The following RSPO1 variants were observed in gnomAD, a reference collection of about 807,000 sequenced individuals.
RSPO1 encodes the protein R-spondin-1.
Under a neutral mutation model 26.0 loss-of-function variants are expected in RSPO1, and 18 were observed. The observed-to-expected ratio is 0.69, with a 90% CI of 0.48 to 1.03. The LOEUF is 1.03. RSPO1 is among the 50% of genes least tolerant of loss of function. The probability of loss-of-function intolerance (pLI) is 0.00; values close to 1 mark genes in which losing one functional copy is unlikely to be tolerated. For missense variants in RSPO1, 309 were observed against 352.3 expected (o/e 0.88, Z 0.98); for synonymous variants, 133 against 137.4 (o/e 0.97, Z 0.22).
chr1:37,628,469 G>T (rs1341675845), intron 3 of RSPO1, among the ~76,000 whole-genome samples: 3 of 152,220 alleles, frequency 2.0e-5, no homozygotes, highest in East Asian at 1.9e-4. Context: ...TCACTGGGGG[G>T]CCTCCGTCTG....
chr1:37,617,661 C>CAAAAAAAAAAAA lies in RSPO1; in HGVS notation c.95-998_95-987dup, dbSNP rs34856591. ...CGGATGACAGAGCAAGACTCCATCTCAAAAAAAAAAAAAAAAAAAAAAAAA... is the reference window on the plus strand; with the variant it reads ...CGGATGACAGAGCAAGACTCCATCTCAAAAAAAAAAAAAAAAAAAAAAAAAAAAAAAAAAAAA... On this transcript the variant is annotated intron_variant, in intron 3 of 6. Transcript: ENST00000356545. Among the ~76,000 whole-genome samples, 110 of 36,366 alleles carry CAAAAAAAAAAAA rather than the reference C, an allele frequency of 3.0e-3. 5 individuals are homozygous for CAAAAAAAAAAAA. Among genetic ancestry groups the CAAAAAAAAAAAA allele is most frequent in the African/African-American group, 0.012 (104 of 8,604 alleles). The allele number at this position is 36,366 out of a possible 152,430, so 23.9% of individuals were successfully genotyped here.
At chr1:37,629,154 A>G (rs890871173) in intron 3 of RSPO1, among the ~76,000 whole-genome samples, 9 of 152,196 alleles carry the variant, frequency 5.9e-5, no homozygotes, top group Non-Finnish European at 1.2e-4. Context: ...CTCCTAACCC[A>G]AAAGGGTTGA....
intron 1 of RSPO1, among the ~76,000 whole-genome samples, chr1:37,633,876 G>C (rs1644397949): frequency 6.6e-6 from 1 of 152,176 alleles, no homozygotes; most frequent in African/African-American, 2.4e-5. Flanking sequence ...GGGAGACGCG[G>C]ACCTGAGGTT....
At chr1:37,619,658 T>C (rs191162202) in intron 3 of RSPO1, among the ~76,000 whole-genome samples, 6 of 152,306 alleles carry the variant, frequency 3.9e-5, no homozygotes, top group African/African-American at 1.2e-4. Flanking sequence ...TGGCAGGCAA[T>C]GTTCTCAGTG....
intron 3 of RSPO1, 22 bp downstream of exon 3, chr1:37,629,546 C>T: frequency 1.9e-6 from 3 of 1,609,240 alleles, no homozygotes. Context: ...CCAGCTGTGG[C>T]CCACCATGCT....
chr1:37,621,212 G>A lies in RSPO1; in HGVS notation c.95-4537C>T, dbSNP rs115217702. Among the ~76,000 whole-genome samples, 645 of 152,340 alleles carry A rather than the reference G, an allele frequency of 4.2e-3. 4 individuals are homozygous for A. Among genetic ancestry groups the A allele is most frequent in the African/African-American group, 0.014 (598 of 41,574 alleles). On this transcript the variant is annotated intron_variant, in intron 3 of 6. Coordinates refer to ENST00000356545, the MANE Select transcript of RSPO1 (RefSeq NM_001242908.2). Reference sequence around the variant, plus strand: ...GCGAGTGATGAGGCGGGAAGTTGGAGAGGGAAGCAGGGGCTGGATGAGGAA... The same window carrying A: ...GCGAGTGATGAGGCGGGAAGTTGGAAAGGGAAGCAGGGGCTGGATGAGGAA...
At chr1:37,630,381 G>A (rs1014919753) in intron 2 of RSPO1, among the ~76,000 whole-genome samples, 1 of 152,170 alleles carries the variant, frequency 6.6e-6, no homozygotes, top group African/African-American at 2.4e-5. Flanking sequence ...TCTTCCCGGG[G>A]CTGAGTCACC....
intron 2 of RSPO1, 60 bp from the exon 3 acceptor site, chr1:37,630,009 C>T (rs1290460637): frequency 1.3e-6 from 1 of 762,160 alleles, no homozygotes; most frequent in Non-Finnish European, 2.3e-6. Context: ...CCCACTTATG[C>T]CTCCTGCCCT....
rs1177675458 is a variant in RSPO1 at position 37,612,773 on chromosome 1, T to C, written c.774A>G (p.Thr258=). Reference sequence around the variant, plus strand: ...AGTGTCCCTAGGCAGGCCCTGCAGATGTGAGTGGCCCCACTGTCCCTTGCT... The same window carrying C: ...AGTGTCCCTAGGCAGGCCCTGCAGACGTGAGTGGCCCCACTGTCCCTTGCT... ...QQQQGTVGPL[T]SAGPA Residue 258 remains threonine (T), a synonymous_variant, in exon 7 of 7, where the codon ACA becomes ACG. Transcript: ENST00000356545. 1.2e-6 allele frequency: 2 copies of C among 1,611,696 alleles called. No individual in the cohort carries two copies. Among genetic ancestry groups the C allele is most frequent in the Non-Finnish European group, 1.7e-6 (2 of 1,180,006 alleles).
intron 3 of RSPO1, among the ~76,000 whole-genome samples, chr1:37,624,315 TG>T (rs940956453): frequency 2.6e-5 from 4 of 152,162 alleles, no homozygotes; most frequent in African/African-American, 7.2e-5. Context: ...CTGCCTGTTA[TG>T]GGGGGTGTGC....
chr1:37,628,098 G>A (rs1644304625), intron 3 of RSPO1, among the ~76,000 whole-genome samples: 1 of 152,204 alleles, frequency 6.6e-6, no homozygotes, highest in Non-Finnish European at 1.5e-5. Flanking sequence ...GTTTAGCCAG[G>A]CATGAGGCTC....
intron 3 of RSPO1, among the ~76,000 whole-genome samples, chr1:37,622,666 GA>G (rs1253046209): frequency 6.6e-6 from 1 of 152,216 alleles, no homozygotes; most frequent in Non-Finnish European, 1.5e-5. Flanking sequence ...CTGAGAGACA[GA>G]GGTGCCAGGA....
chr1:37,626,775 T>G (rs983745961), intron 3 of RSPO1, among the ~76,000 whole-genome samples: 27 of 151,978 alleles, frequency 1.8e-4, no homozygotes, highest in African/African-American at 6.0e-4. Flanking sequence ...GAGGCAGGAC[T>G]GAGAGAGGGG....
intron 3 of RSPO1, among the ~76,000 whole-genome samples, chr1:37,617,599 T>C (rs1324573011): frequency 7.2e-6 from 1 of 138,514 alleles, no homozygotes; most frequent in Non-Finnish European, 1.5e-5. Context: ...GAGGCGGAGT[T>C]TGCAGTGAGC....
chr1:37,617,630 C>T (rs1644135598), intron 3 of RSPO1, among the ~76,000 whole-genome samples: 1 of 129,614 alleles, frequency 7.7e-6, no homozygotes, highest in Non-Finnish European at 1.5e-5. Context: ...CCATTGCACT[C>T]CAGCCCGGAT....
intron 3 of RSPO1, among the ~76,000 whole-genome samples, chr1:37,625,981 C>T (rs1001400885): frequency 6.6e-6 from 1 of 152,144 alleles, no homozygotes; most frequent in Non-Finnish European, 1.5e-5. Context: ...CCAAGCCAGA[C>T]CCAGGATTCT....
intron 3 of RSPO1, among the ~76,000 whole-genome samples, chr1:37,626,477 C>T (rs190790415): frequency 4.1e-4 from 62 of 152,318 alleles, no homozygotes; most frequent in Admixed American, 1.8e-3. Context: ...CGGGTTTTCT[C>T]CTGTGCGGCA....
intron 3 of RSPO1, among the ~76,000 whole-genome samples, chr1:37,625,622 T>C (rs944632943): frequency 1.3e-5 from 2 of 151,442 alleles, no homozygotes; most frequent in South Asian, 4.2e-4. Context: ...CCCTGTGGCT[T>C]CCTGGGACCT....
At chr1:37,624,103 G>A (rs753381253) in intron 3 of RSPO1, among the ~76,000 whole-genome samples, 3 of 152,080 alleles carry the variant, frequency 2.0e-5, no homozygotes, top group African/African-American at 4.8e-5. Context: ...CCAATGGAAG[G>A]GCATCGTTGG....
Sources: gnomAD v4.1 joint callset for allele counts (sites outside exome capture counted in the v4.1 genomes callset) on GRCh38, gnomAD v4.1.1 for gene constraint, MANE v1.5 for transcripts, NCBI Gene and HGNC (gene_info 2026-07-23, HGNC 2026-07-21) for gene names.